PRELID2: variants seen among roughly 807,000 people sequenced by gnomAD.
PRELID2 encodes PRELI domain containing 2.
In PRELID2, 25 loss-of-function variants were observed where a neutral mutation model predicts 28.4. The ratio of observed to expected loss-of-function variants is 0.88; its 90% confidence interval spans 0.64 to 1.23. The LOEUF (loss-of-function observed/expected upper bound fraction) is 1.23, where lower values mean the gene tolerates loss of function less well. Among genes scored for constraint, PRELID2 ranks in the 50% most tolerant of loss-of-function variants. The pLI, the probability that PRELID2 is intolerant of heterozygous loss-of-function variation, is 0.00. For synonymous variants in PRELID2, 76 were observed against 71.6 expected (o/e 1.06, Z -0.31); for missense variants, 201 against 214.4 (o/e 0.94, Z 0.39).
intron 1 of PRELID2, among the ~76,000 whole-genome samples, chr5:145,548,636 C>CA (rs2126678916): frequency 6.6e-6 from 1 of 152,194 alleles, no homozygotes; most frequent in East Asian, 1.9e-4. Flanking sequence ...GGTTGATAGC[C>CA]ACTTCTGTCC....
intron 1 of PRELID2, among the ~76,000 whole-genome samples, chr5:145,587,484 A>G (rs975155552): frequency 6.6e-6 from 1 of 152,154 alleles, no homozygotes; most frequent in Admixed American, 6.6e-5. Flanking sequence ...TATACCCATG[A>G]AAACAGAGTC....
chr5:145,480,299 C>CT (rs1311926381), intron 1 of PRELID2, among the ~76,000 whole-genome samples: 10 of 152,078 alleles, frequency 6.6e-5, no homozygotes, highest in Non-Finnish European at 1.5e-5. Flanking sequence ...GATGTATTTG[C>CT]TTATTGTACC....
At chr5:145,645,064 T>C (rs1389346694) in intron 1 of PRELID2, among the ~76,000 whole-genome samples, 1 of 152,206 alleles carries the variant, frequency 6.6e-6, no homozygotes, top group Non-Finnish European at 1.5e-5. Context: ...AAGTCCTGAA[T>C]ATCCTTGTTA....
At chr5:145,390,844 C>T in the PRELID2 span, among the ~76,000 whole-genome samples, 2 of 152,144 alleles carry the variant, frequency 1.3e-5, no homozygotes, top group Non-Finnish European at 2.9e-5. Context: ...GAGCTACAGA[C>T]ATTGGGTAAA....
chr5:145,687,013 AGAT>A (rs1362004537), intron 1 of PRELID2, among the ~76,000 whole-genome samples: 1 of 152,104 alleles, frequency 6.6e-6, no homozygotes, highest in African/African-American at 2.4e-5. Flanking sequence ...TCATCTAGAG[AGAT>A]GATGACAAAA....
At chr5:145,796,602 A>G in intron 4 of PRELID2, 55 bp from the exon 5 acceptor site, 4 of 1,063,056 alleles carry the variant, frequency 3.8e-6, no homozygotes, top group Non-Finnish European at 5.5e-6. Flanking sequence ...TGGATATGTA[A>G]ACGACAGACA....
the PRELID2 span, among the ~76,000 whole-genome samples, chr5:145,297,054 G>T: frequency 6.6e-6 from 1 of 152,020 alleles, no homozygotes; most frequent in Non-Finnish European, 1.5e-5. Context: ...TTTTTTCCTT[G>T]TAAATTTGTT....
intron 1 of PRELID2, among the ~76,000 whole-genome samples, chr5:145,599,567 C>T (rs918323464): frequency 8.5e-5 from 13 of 152,080 alleles, no homozygotes; most frequent in Non-Finnish European, 1.8e-4. Context: ...TTCTGTCTTA[C>T]GCTCGAGATA....
chr5:145,808,862 C>T (rs1282171085), intron 4 of PRELID2, among the ~76,000 whole-genome samples: 1 of 150,008 alleles, frequency 6.7e-6, no homozygotes, highest in South Asian at 2.1e-4. Context: ...CCAGCCTGGG[C>T]AACAGAGGGA....
chr5:145,381,997 A>G, the PRELID2 span, among the ~76,000 whole-genome samples: 2 of 151,950 alleles, frequency 1.3e-5, no homozygotes, highest in Non-Finnish European at 2.9e-5. Flanking sequence ...GACAAAATAC[A>G]TTGAATAACT....
chr5:145,426,754 G>A, the PRELID2 span, among the ~76,000 whole-genome samples: 3 of 152,210 alleles, frequency 2.0e-5, no homozygotes, highest in Non-Finnish European at 4.4e-5. Context: ...AAGCTGAGAT[G>A]TGAACTCAGA....
At chr5:145,609,817 G>A (rs1753585494) in intron 1 of PRELID2, among the ~76,000 whole-genome samples, 1 of 152,234 alleles carries the variant, frequency 6.6e-6, no homozygotes. Context: ...CACCCACCCT[G>A]CAGTCCAGGT....
intron 1 of PRELID2, among the ~76,000 whole-genome samples, chr5:145,499,829 G>T (rs1752344373): frequency 6.6e-6 from 1 of 152,212 alleles, no homozygotes; most frequent in Admixed American, 6.5e-5. Flanking sequence ...TCTTCAGAAT[G>T]AATGAGATTA....
At chr5:145,641,745 T>C (rs1754111087) in intron 1 of PRELID2, among the ~76,000 whole-genome samples, 1 of 152,230 alleles carries the variant, frequency 6.6e-6, no homozygotes. Flanking sequence ...AACTCCCACT[T>C]ATGAGTGAGA....
the PRELID2 span, among the ~76,000 whole-genome samples, chr5:145,347,609 T>C: frequency 5.9e-5 from 9 of 152,234 alleles, no homozygotes; most frequent in African/African-American, 1.4e-4. Flanking sequence ...TAGCTATTTG[T>C]GCTAGTTTTT....
At chr5:145,574,585 T>TG in intron 1 of PRELID2, among the ~76,000 whole-genome samples, 1 of 152,198 alleles carries the variant, frequency 6.6e-6, no homozygotes, top group South Asian at 2.1e-4. Context: ...GCTTATGTTT[T>TG]GGGGTCCTTA....
rs181617686 is a variant in PRELID2 at position 145,638,348 on chromosome 5, T to G, written n.70+126583A>C. Among the ~76,000 whole-genome samples, 181 of 152,318 alleles carry G rather than the reference T, an allele frequency of 1.2e-3. 1 individual carries two copies. The highest frequency in any genetic ancestry group is 2.8e-3 in the Admixed American group (43 of 15,308). The stretch of plus-strand genomic sequence containing the variant: ...AATGATATACACTACTACAGCATAC[T>G]CAAAGCTGCTTTTATCCTGACAACA... On this transcript the variant is annotated intron_variant and non_coding_transcript_variant, in intron 1 of 2. Transcript: ENST00000510259.
the PRELID2 span, among the ~76,000 whole-genome samples, chr5:145,455,218 C>A: frequency 6.6e-6 from 1 of 152,136 alleles, no homozygotes; most frequent in Non-Finnish European, 1.5e-5. Flanking sequence ...GGAATCCTTT[C>A]CCCACTGCAT....
chr5:145,315,725 A>G, the PRELID2 span, among the ~76,000 whole-genome samples: 4 of 152,054 alleles, frequency 2.6e-5, no homozygotes, highest in African/African-American at 9.7e-5. Context: ...ATAGTAAAGT[A>G]TGGCACATCC....
Sources: gnomAD v4.1 joint callset for allele counts (sites outside exome capture counted in the v4.1 genomes callset) on GRCh38, gnomAD v4.1.1 for gene constraint, MANE v1.5 for transcripts, NCBI Gene and HGNC (gene_info 2026-07-23, HGNC 2026-07-21) for gene names.